Variants in RPRD2 observed in about 807,000 individuals in gnomAD.
RPRD2 encodes the protein regulation of nuclear pre-mRNA domain-containing protein 2.
Under a neutral mutation model 104.4 loss-of-function variants are expected in RPRD2, and 12 were observed. The observed-to-expected ratio is 0.11, with a 90% CI of 0.07 to 0.19. The LOEUF (loss-of-function observed/expected upper bound fraction) is 0.19. RPRD2 is among the 10% of genes least tolerant of loss of function. The pLI is 1.00. For synonymous variants in RPRD2, 714 were observed against 684.9 expected, an observed-to-expected ratio of 1.04 and a Z score of -0.66; for missense variants, 1,543 against 1,790.1, an observed-to-expected ratio of 0.86 and a Z score of 2.49.
At chr1:150,365,026 G>A in intron 1 of RPRD2, 107 bp downstream of exon 1, 1 of 1,182,374 alleles carries the variant, frequency 8.5e-7, no homozygotes, top group Non-Finnish European at 1.2e-6. Context: ...GGTTGGGGTT[G>A]TTCACATTAA....
chr1:150,431,549 C>T (rs957103587), intron 2 of RPRD2, among the ~76,000 whole-genome samples: 18 of 138,816 alleles, frequency 1.3e-4, no homozygotes, highest in Non-Finnish European at 2.7e-4. Context: ...AGCACAATCT[C>T]GGCTCGCTGC....
intron 1 of RPRD2, among the ~76,000 whole-genome samples, chr1:150,396,930 A>G (rs587699686): frequency 1.6e-4 from 24 of 152,320 alleles, no homozygotes; most frequent in African/African-American, 1.9e-4. Flanking sequence ...AATGATTACC[A>G]TAATAAATAT....
rs1431311072 is a variant in RPRD2, at chr1:150,476,349, T to C, written c.*3015T>C. On this transcript the variant is annotated 3_prime_UTR_variant, in exon 11 of 11. Coordinates refer to ENST00000369068, the MANE Select transcript of RPRD2 (RefSeq NM_015203.5). ...TGCAGAATTGAGCTTCAGCTGTTACTGTTTTGAAGCCGCTGTAAATTACTG... is the reference window on the plus strand; with the variant it reads ...TGCAGAATTGAGCTTCAGCTGTTACCGTTTTGAAGCCGCTGTAAATTACTG... 2 of 152,198 alleles carry C rather than the reference T, an allele frequency of 1.3e-5. No homozygotes were observed. Among genetic ancestry groups the C allele is most frequent in the African/African-American group, 2.4e-5 (1 of 41,436 alleles). The allele number at this position is 152,198 out of a possible 1,614,324, so 9.4% of individuals were successfully genotyped here. A position where few individuals can be genotyped will look rare whatever the true frequency, so the allele number is the denominator to read the frequency against.
intron 5 of RPRD2, among the ~76,000 whole-genome samples, chr1:150,444,044 ATAAC>A (rs1310822112): frequency 6.6e-6 from 1 of 152,192 alleles, no homozygotes; most frequent in Non-Finnish European, 1.5e-5. Flanking sequence ...AATGAAGTCT[ATAAC>A]TAAACATGGT....
chr1:150,446,169 C>A, intron 6 of RPRD2, 57 bp from the exon 7 acceptor site: 1 of 1,300,154 alleles, frequency 7.7e-7, no homozygotes, highest in Non-Finnish European at 1.0e-6. Flanking sequence ...AGTCAAAAGA[C>A]TAAATTTTTT....
At chr1:150,398,691 G>A (rs909587082) in intron 1 of RPRD2, among the ~76,000 whole-genome samples, 18 of 151,100 alleles carry the variant, frequency 1.2e-4, no homozygotes, top group East Asian at 3.9e-4. Context: ...TTACAGGTGC[G>A]CACCACCATG....
At chr1:150,430,572 G>A (rs780994288) in intron 2 of RPRD2, among the ~76,000 whole-genome samples, 12 of 152,116 alleles carry the variant, frequency 7.9e-5, no homozygotes, top group Non-Finnish European at 1.2e-4. Flanking sequence ...AGGCTGAGGC[G>A]GGAGGATCAT....
At position 150,476,131 on chromosome 1, in the gene RPRD2, T is replaced by G. The variant is rs894516037; in HGVS notation, c.*2797T>G. ...CTGCTCCCCTCTACCCTCTCAAAAG[T>G]TGAGAGTAAATAGAATTTGGTTTGA... On this transcript the variant is annotated 3_prime_UTR_variant, in exon 11 of 11. Transcript: ENST00000369068. The G allele has an allele frequency of 2.6e-5, 4 of 152,126 alleles. No homozygotes were observed. Among genetic ancestry groups the G allele is most frequent in the Non-Finnish European group, 5.9e-5 (4 of 68,030 alleles). 9.4% of individuals were successfully genotyped at this position (152,126 alleles called of 1,614,324 possible).
Position 150,474,337 on chromosome 1 carries a change from A to C in RPRD2, c.*1003A>C, listed in dbSNP as rs1025684942. ...TGGTTTTCAACAAAGGTTAACTATT[A>C]AAGAAAGAAATATTTGTCTTTATCT... On this transcript the variant is annotated 3_prime_UTR_variant, in exon 11 of 11. Coordinates refer to ENST00000369068, the MANE Select transcript of RPRD2 (RefSeq NM_015203.5). The C allele has an allele frequency of 6.6e-6, 1 of 152,108 alleles. No individual in the cohort carries two copies. The highest frequency in any genetic ancestry group is 1.5e-5 in the Non-Finnish European group (1 of 67,992). 9.4% of individuals were successfully genotyped at this position (152,108 alleles called of 1,614,324 possible).
intron 2 of RPRD2, among the ~76,000 whole-genome samples, chr1:150,422,712 T>C (rs1231789263): frequency 6.6e-6 from 1 of 152,194 alleles, no homozygotes; most frequent in African/African-American, 2.4e-5. Flanking sequence ...CATTGTCAGA[T>C]TTAAAAAATA....
intron 1 of RPRD2, among the ~76,000 whole-genome samples, chr1:150,399,554 C>T (rs587708699): frequency 2.6e-5 from 4 of 151,858 alleles, no homozygotes; most frequent in Admixed American, 2.0e-4. Context: ...GTCAGGAGTT[C>T]GAGACCAGCC....
chr1:150,385,200 G>A (rs1191219967), intron 1 of RPRD2, among the ~76,000 whole-genome samples: 2 of 152,122 alleles, frequency 1.3e-5, no homozygotes, highest in Non-Finnish European at 2.9e-5. Context: ...GGTGGCTCAT[G>A]CCTGTAATCC....
At position 150,473,576 on chromosome 1, in the gene RPRD2, A is replaced by AAAAAAC. The variant is rs1668745698; in HGVS notation, c.*245_*246insAACAAA. On this transcript the variant is annotated 3_prime_UTR_variant, in exon 11 of 11. Transcript: ENST00000369068. ...TGTATTAAAAAAAAAAAAAAAAAAA[A>AAAAAAC]AAAGTAAAGAAACACAACCAAAGCC... 1 of 236,106 alleles carries AAAAAAC rather than the reference A, an allele frequency of 4.2e-6. No individual in the cohort carries two copies. The highest frequency in any genetic ancestry group is 8.5e-6 in the Non-Finnish European group (1 of 118,242). The allele number at this position is 236,106 out of a possible 1,614,324, so 14.6% of individuals were successfully genotyped here.
chr1:150,451,674 C>CA lies in RPRD2; in HGVS notation c.870+5292dup, dbSNP rs35644538. ...TGGGAGACAGAGCAAGACTCCGTCT[C>CA]AAAAAAAAAAAAAAAAAAATCGTCC... On this transcript the variant is annotated intron_variant, in intron 7 of 10. Coordinates refer to ENST00000369068, the MANE Select transcript of RPRD2 (RefSeq NM_015203.5). 1.7e-3 allele frequency among the ~76,000 whole-genome samples: 178 copies of CA among 106,878 alleles called. 1 individual carries two copies. Among genetic ancestry groups the CA allele is most frequent in the African/African-American group, 3.3e-3 (96 of 28,684 alleles). The allele number at this position is 106,878 out of a possible 152,430, so 70.1% of individuals were successfully genotyped here. A position where few individuals can be genotyped will look rare whatever the true frequency, so the allele number is the denominator to read the frequency against.
intron 1 of RPRD2, among the ~76,000 whole-genome samples, chr1:150,396,890 G>A (rs1414716983): frequency 6.6e-6 from 1 of 151,782 alleles, no homozygotes; most frequent in Non-Finnish European, 1.5e-5. Flanking sequence ...ATTCTCAAAC[G>A]AGACACACTA....
chr1:150,420,411 T>C (rs1184988184), intron 2 of RPRD2, among the ~76,000 whole-genome samples: 1 of 152,230 alleles, frequency 6.6e-6, no homozygotes, highest in Non-Finnish European at 1.5e-5. Flanking sequence ...GAAACATGTC[T>C]TCAGAAACCT....
chr1:150,472,674 C>T lies in RPRD2; in HGVS notation c.3726C>T (p.Asn1242=). The T allele has an allele frequency of 6.2e-7, 1 of 1,613,872 alleles. No homozygotes were observed. Among genetic ancestry groups the T allele is most frequent in the Non-Finnish European group, 8.5e-7 (1 of 1,179,776 alleles). ...PTHLPSVDLS[N]PFTKEAALAH... is the part of the protein sequence containing the mutation. ...ATCTACCCTCTGTGGATCTTTCGAACCCCTTCACAAAGGAGGCAGCCCTGG... is the reference window on the plus strand; with the variant it reads ...ATCTACCCTCTGTGGATCTTTCGAATCCCTTCACAAAGGAGGCAGCCCTGG... The change falls in exon 11 of 11, where the codon AAC becomes AAT. Residue 1242 remains asparagine, a synonymous_variant. Transcript: ENST00000369068.
chr1:150,461,430 T>C lies in RPRD2; in HGVS notation c.1411+1113T>C, dbSNP rs142396258. 2.9e-3 allele frequency among the ~76,000 whole-genome samples: 440 copies of C among 152,334 alleles called. 2 individuals carry two copies. Among genetic ancestry groups the C allele is most frequent in the Non-Finnish European group, 4.7e-3 (320 of 68,030 alleles). ...TAGCTATTTAAAAGTTAATTACATA[T>C]CTTGAATGTTTTTATGAATCATTAA... On this transcript the variant is annotated intron_variant, in intron 9 of 10. Transcript: ENST00000369068.
chr1:150,383,309 T>TG (rs1560153677), intron 1 of RPRD2, among the ~76,000 whole-genome samples: 2 of 146,212 alleles, frequency 1.4e-5, no homozygotes, highest in African/African-American at 5.1e-5. Flanking sequence ...ATAAGAGGTT[T>TG]TTTTTTTTTT....
Sources: allele counts gnomAD v4.1 joint callset (sites outside exome capture counted in the v4.1 genomes callset), GRCh38; gene constraint gnomAD v4.1.1; transcripts MANE v1.5; gene names NCBI Gene and HGNC (gene_info 2026-07-23, HGNC 2026-07-21).